The following GNA14 variants were observed in gnomAD, a reference collection of about 807,000 sequenced individuals.
The protein encoded by GNA14 is G protein subunit alpha 14.
A neutral mutation model predicts 42.0 loss-of-function variants in GNA14; 50 were observed. The observed-to-expected ratio is 1.19, with a 90% CI of 0.95 to 1.51. The LOEUF (loss-of-function observed/expected upper bound fraction) is 1.51, where lower values mean the gene tolerates loss of function less well. Ranked by LOEUF, GNA14 falls within the 40% of genes most tolerant of loss-of-function variation. The pLI, the probability that GNA14 is intolerant of heterozygous loss-of-function variation, is 0.00. For synonymous variants in GNA14, 173 were observed against 163.1 expected (o/e 1.06, Z -0.46); for missense variants, 473 against 446.2 (o/e 1.06, Z -0.54).
intron 2 of GNA14, among the ~76,000 whole-genome samples, chr9:77,492,517 AGAG>A (rs1407714309): frequency 6.6e-6 from 1 of 152,160 alleles, no homozygotes; most frequent in African/African-American, 2.4e-5. Context: ...AAGAATCATT[AGAG>A]ACTATTACAA....
intron 1 of GNA14, among the ~76,000 whole-genome samples, chr9:77,628,499 T>C (rs1171364726): frequency 6.6e-6 from 1 of 152,136 alleles, no homozygotes; most frequent in Non-Finnish European, 1.5e-5. Flanking sequence ...ACTACAAGGC[T>C]ACAGTAACCA....
chr9:77,608,890 C>T (rs1348205995), intron 1 of GNA14, among the ~76,000 whole-genome samples: 1 of 152,102 alleles, frequency 6.6e-6, no homozygotes, highest in Non-Finnish European at 1.5e-5. Flanking sequence ...GGTATAATCC[C>T]ATCCCCATTC....
intron 2 of GNA14, among the ~76,000 whole-genome samples, chr9:77,508,613 T>G (rs1423454613): frequency 6.6e-6 from 1 of 152,200 alleles, no homozygotes; most frequent in African/African-American, 2.4e-5. Context: ...CCAGCTCTGT[T>G]CATTGATAGG....
chr9:77,438,236 G>T (rs1423924111), intron 2 of GNA14, among the ~76,000 whole-genome samples: 1 of 151,896 alleles, frequency 6.6e-6, no homozygotes, highest in African/African-American at 2.4e-5. Flanking sequence ...CAAGTTCGGA[G>T]GTCACTACCT....
intron 2 of GNA14, among the ~76,000 whole-genome samples, chr9:77,518,623 G>A (rs1837299939): frequency 1.3e-5 from 2 of 152,190 alleles, no homozygotes; most frequent in Admixed American, 1.3e-4. Flanking sequence ...AGTTATTCCT[G>A]TTATCATCAA....
At chr9:77,533,649 G>T (rs2131771632) in intron 1 of GNA14, among the ~76,000 whole-genome samples, 1 of 152,266 alleles carries the variant, frequency 6.6e-6, no homozygotes, top group East Asian at 1.9e-4. Context: ...CTCAGCAGGG[G>T]ATAAAACTGC....
At chr9:77,493,467 T>C (rs1437946922) in intron 2 of GNA14, among the ~76,000 whole-genome samples, 1 of 152,184 alleles carries the variant, frequency 6.6e-6, no homozygotes, top group Non-Finnish European at 1.5e-5. Context: ...TACTGTAAAA[T>C]GTTATAACGT....
At chr9:77,479,386 C>G (rs941136254) in intron 2 of GNA14, among the ~76,000 whole-genome samples, 4 of 152,052 alleles carry the variant, frequency 2.6e-5, no homozygotes, top group African/African-American at 9.7e-5. Flanking sequence ...ATCTATATCT[C>G]TGTTTTGGTA....
chr9:77,472,788 ATCTCTCTCTCTCTC>A lies in GNA14; in HGVS notation c.310-38280_310-38267del, dbSNP rs34429720. On this transcript the variant is annotated intron_variant, in intron 2 of 6. Transcript: ENST00000341700. Reference sequence around the variant, plus strand: ...TTATAAGAGGAAGAGACATGACATGATCTCTCTCTCTCTCTCTCTCTCTCTCTCTCCTCCAAGCC... The same window carrying A: ...TTATAAGAGGAAGAGACATGACATGATCTCTCTCTCTCTCTCCTCCAAGCC... Among the ~76,000 whole-genome samples, 4 of 142,102 alleles carry A rather than the reference ATCTCTCTCTCTCTC, an allele frequency of 2.8e-5. No homozygotes were observed. In the South Asian group the frequency reaches 9.4e-4, roughly 34 times the overall value. 93.2% of individuals were successfully genotyped at this position (142,102 alleles called of 152,430 possible).
chr9:77,599,245 T>C (rs1823514831), intron 1 of GNA14, among the ~76,000 whole-genome samples: 1 of 152,208 alleles, frequency 6.6e-6, no homozygotes, highest in South Asian at 2.1e-4. Context: ...TATAATAGCA[T>C]AGCTGGAACA....
intron 1 of GNA14, among the ~76,000 whole-genome samples, chr9:77,565,772 A>G (rs1822958010): frequency 6.6e-6 from 1 of 152,090 alleles, no homozygotes; most frequent in Non-Finnish European, 1.5e-5. Context: ...TTACTTTTTA[A>G]ATGCAACGAT....
chr9:77,647,612 C>T (rs1057303089), intron 1 of GNA14, 58 bp downstream of exon 1: 1 of 1,564,448 alleles, frequency 6.4e-7, no homozygotes, highest in East Asian at 2.3e-5. Context: ...GTGGAGAGGC[C>T]GGGAGGGCTC....
At chr9:77,441,272 T>C (rs989992716) in intron 2 of GNA14, among the ~76,000 whole-genome samples, 10 of 152,154 alleles carry the variant, frequency 6.6e-5, no homozygotes, top group African/African-American at 2.4e-4. Flanking sequence ...GTTCTCGTGA[T>C]AGTGAGTGAG....
At chr9:77,545,116 C>CA (rs1587825065) in intron 1 of GNA14, among the ~76,000 whole-genome samples, 4 of 152,178 alleles carry the variant, frequency 2.6e-5, no homozygotes, top group Admixed American at 2.6e-4. Flanking sequence ...CCTTAAGCCT[C>CA]AATAAGGCAG....
intron 1 of GNA14, among the ~76,000 whole-genome samples, chr9:77,629,485 G>T (rs1337397949): frequency 6.6e-6 from 1 of 152,156 alleles, no homozygotes; most frequent in Admixed American, 6.5e-5. Context: ...CAACCCAAAT[G>T]CCCACCAATG....
At chr9:77,501,116 A>G (rs961251011) in intron 2 of GNA14, among the ~76,000 whole-genome samples, 2 of 152,228 alleles carry the variant, frequency 1.3e-5, no homozygotes, top group Admixed American at 6.5e-5. Flanking sequence ...CACCACACTC[A>G]GCTAATTTTT....
chr9:77,534,649 C>T (rs1399403004), intron 1 of GNA14, among the ~76,000 whole-genome samples: 3 of 152,188 alleles, frequency 2.0e-5, no homozygotes, highest in African/African-American at 7.2e-5. Flanking sequence ...AGAATGAGCA[C>T]ACAGTTCTGG....
At chr9:77,544,760 A>G (rs1837700572) in intron 1 of GNA14, among the ~76,000 whole-genome samples, 1 of 151,932 alleles carries the variant, frequency 6.6e-6, no homozygotes, top group Non-Finnish European at 1.5e-5. Flanking sequence ...TTACTTTCTT[A>G]AAAAGGCAAA....
intron 2 of GNA14, among the ~76,000 whole-genome samples, chr9:77,489,553 G>A (rs1000788927): frequency 9.2e-5 from 14 of 152,310 alleles, no homozygotes; most frequent in Middle Eastern, 3.4e-3. Flanking sequence ...GAATGAAGCC[G>A]CGGACCCTCG....
Sources: gnomAD v4.1 joint callset for allele counts (sites outside exome capture counted in the v4.1 genomes callset) on GRCh38, gnomAD v4.1.1 for gene constraint, MANE v1.5 for transcripts, NCBI Gene and HGNC (gene_info 2026-07-23, HGNC 2026-07-21) for gene names.